The following CDH13 variants were observed in gnomAD, a reference collection of about 807,000 sequenced individuals.
The protein encoded by CDH13 is cadherin-13.
A neutral mutation model predicts 63.8 loss-of-function variants in CDH13; 24 were observed. The ratio of observed to expected loss-of-function variants is 0.38; its 90% confidence interval spans 0.27 to 0.53. CDH13 has a LOEUF of 0.53. Ranked by LOEUF, CDH13 falls within the 20% of genes least tolerant of loss-of-function variation. The pLI, the probability that CDH13 is intolerant of heterozygous loss-of-function variation, is 0.85. For synonymous variants in CDH13, 503 were observed against 355.3 expected, an observed-to-expected ratio of 1.42 and a Z score of -4.67; for missense variants, 1,049 against 903.1, an observed-to-expected ratio of 1.16 and a Z score of -2.07.
chr16:83,493,030 G>A (rs1354067115), intron 7 of CDH13, among the ~76,000 whole-genome samples: 1 of 151,816 alleles, frequency 6.6e-6, no homozygotes, highest in Non-Finnish European at 1.5e-5. Flanking sequence ...GTTGTTTTTG[G>A]TTTTTTGTTT....
At chr16:83,524,464 T>C (rs2074910635) in intron 7 of CDH13, among the ~76,000 whole-genome samples, 1 of 141,702 alleles carries the variant, frequency 7.1e-6, no homozygotes, top group Non-Finnish European at 1.5e-5. Flanking sequence ...TTTTTTTTTT[T>C]TTTTTTGAGA....
chr16:82,743,138 A>C (rs1321617276), intron 1 of CDH13, among the ~76,000 whole-genome samples: 1 of 152,230 alleles, frequency 6.6e-6, no homozygotes, highest in Non-Finnish European at 1.5e-5. Flanking sequence ...ATGATTTTTA[A>C]AAATGTAGAA....
intron 2 of CDH13, among the ~76,000 whole-genome samples, chr16:82,949,218 T>C (rs775626061): frequency 1.3e-5 from 2 of 152,170 alleles, no homozygotes; most frequent in East Asian, 1.9e-4. Flanking sequence ...TCAGAGTGTC[T>C]AGGGGAGGAT....
intron 4 of CDH13, among the ~76,000 whole-genome samples, chr16:83,155,115 G>A (rs2037153463): frequency 6.6e-6 from 1 of 152,192 alleles, no homozygotes; most frequent in Non-Finnish European, 1.5e-5. Flanking sequence ...TACTATTAGA[G>A]AATGTTAATT....
chr16:82,987,771 C>G (rs909021989), intron 2 of CDH13, among the ~76,000 whole-genome samples: 2 of 152,220 alleles, frequency 1.3e-5, no homozygotes, highest in African/African-American at 4.8e-5. Flanking sequence ...TTCCCTATGG[C>G]TGCATTCTTC....
rs926733333 is a variant in CDH13, at chr16:82,912,653, G to T, written c.157+54180G>T. ...CTTTCTGTTATTGCATTGAAAGAGA[G>T]TGGTGACTCGCCGGGCGCGGTGGCT... On this transcript the variant is annotated intron_variant, in intron 2 of 13. Coordinates refer to ENST00000567109, the MANE Select transcript of CDH13 (RefSeq NM_001257.5). 1.3e-5 allele frequency among the ~76,000 whole-genome samples: 2 copies of T among 152,194 alleles called. 1 individual carries two copies. Among genetic ancestry groups the T allele is most frequent in the South Asian group, 4.1e-4 (2 of 4,830 alleles).
chr16:83,570,671 T>TTA (rs1567773297), intron 7 of CDH13, among the ~76,000 whole-genome samples: 1 of 147,714 alleles, frequency 6.8e-6, no homozygotes, highest in Non-Finnish European at 1.5e-5. Flanking sequence ...TCTCATCCTT[T>TTA]TATATATATA....
intron 5 of CDH13, among the ~76,000 whole-genome samples, chr16:83,332,672 G>A (rs2090504486): frequency 6.6e-6 from 1 of 152,076 alleles, no homozygotes; most frequent in Non-Finnish European, 1.5e-5. Context: ...TCATCCAAGA[G>A]TTATATAAGT....
intron 5 of CDH13, among the ~76,000 whole-genome samples, chr16:83,261,670 A>C (rs1907008082): frequency 6.6e-6 from 1 of 151,600 alleles, no homozygotes; most frequent in Non-Finnish European, 1.5e-5. Context: ...CCTGCAAAAA[A>C]CTTGCATGAT....
At chr16:83,219,713 A>G (rs539084996) in intron 5 of CDH13, among the ~76,000 whole-genome samples, 12 of 152,324 alleles carry the variant, frequency 7.9e-5, no homozygotes, top group African/African-American at 1.4e-4. Flanking sequence ...TTTATAGTCT[A>G]TGTCATAGCA....
At chr16:82,693,008 T>C (rs1390908212) in intron 1 of CDH13, among the ~76,000 whole-genome samples, 1 of 152,172 alleles carries the variant, frequency 6.6e-6, no homozygotes, top group Non-Finnish European at 1.5e-5. Context: ...TTCTCTCTCT[T>C]GCTGGCTTTG....
At chr16:83,431,160 T>C (rs543382266) in intron 6 of CDH13, among the ~76,000 whole-genome samples, 1 of 152,174 alleles carries the variant, frequency 6.6e-6, no homozygotes, top group African/African-American at 2.4e-5. Context: ...TCATTTTTTA[T>C]GGCTGCATAG....
chr16:83,662,540 C>T (rs367809677), intron 8 of CDH13, among the ~76,000 whole-genome samples: 3 of 152,052 alleles, frequency 2.0e-5, no homozygotes, highest in African/African-American at 4.8e-5. Context: ...AGAATCGGGG[C>T]GGGGTGGCTG....
chr16:83,574,696 G>C (rs192257249), intron 7 of CDH13, among the ~76,000 whole-genome samples: 2 of 152,168 alleles, frequency 1.3e-5, no homozygotes, highest in Non-Finnish European at 2.9e-5. Flanking sequence ...TCCCACTTCA[G>C]TGGTAGCTTC....
At chr16:82,975,018 C>T (rs894167326) in intron 2 of CDH13, among the ~76,000 whole-genome samples, 6 of 152,182 alleles carry the variant, frequency 3.9e-5, no homozygotes, top group East Asian at 1.9e-4. Context: ...TTCTGATAGC[C>T]GCACATGAAG....
chr16:83,244,393 C>T (rs773954085), intron 5 of CDH13, among the ~76,000 whole-genome samples: 3 of 152,074 alleles, frequency 2.0e-5, no homozygotes, highest in Non-Finnish European at 4.4e-5. Flanking sequence ...TTTCTATTTC[C>T]CATAAGTTTA....
In CDH13 at chr16:83,085,437, A is replaced by G. The variant is rs537105839; in HGVS notation, c.367-39948A>G. ...CATATCACTCCTCATGGTGTGCAAG[A>G]TGGCTGATACATGTCTAGCTATCAT... is the stretch of plus-strand genomic sequence containing the variant. On this transcript the variant is annotated intron_variant, in intron 3 of 13. Coordinates refer to ENST00000567109, the MANE Select transcript of CDH13 (RefSeq NM_001257.5). Among the ~76,000 whole-genome samples the G allele has an allele frequency of 5.3e-5, 8 of 152,284 alleles. No individual in the cohort carries two copies. The East Asian group carries it at 1.5e-3, about 29-fold the overall frequency.
intron 1 of CDH13, chr16:82,824,812 A>G (rs2038166197): frequency 6.6e-6 from 1 of 152,266 alleles, no homozygotes; most frequent in Admixed American, 6.5e-5. Flanking sequence ...TGATTTAAAA[A>G]TAGACTGCAA....
At chr16:83,564,814 G>A (rs1231036464) in intron 7 of CDH13, among the ~76,000 whole-genome samples, 1 of 152,220 alleles carries the variant, frequency 6.6e-6, no homozygotes, top group Non-Finnish European at 1.5e-5. Flanking sequence ...ATGGAGGTTG[G>A]AGAAAGGCAG....
Sources: allele counts gnomAD v4.1 joint callset (sites outside exome capture counted in the v4.1 genomes callset), GRCh38; gene constraint gnomAD v4.1.1; transcripts MANE v1.5; gene names NCBI Gene and HGNC (gene_info 2026-07-23, HGNC 2026-07-21).